KCTD1: variants seen among roughly 807,000 people sequenced by gnomAD.
KCTD1 encodes potassium channel tetramerization domain containing 1.
KCTD1 carries 24 observed loss-of-function variants against 66.0 expected under a neutral mutation model. The ratio of observed to expected loss-of-function variants is 0.36; its 90% CI spans 0.26 to 0.51. KCTD1 has a LOEUF of 0.51. Ranked by LOEUF, KCTD1 falls within the 20% of genes least tolerant of loss-of-function variation. The pLI is 0.95. For missense variants in KCTD1, 943 were observed against 1,205.2 expected (o/e 0.78, Z 3.22); for synonymous variants, 511 against 517.2 (o/e 0.99, Z 0.16).
At chr18:26,647,460 C>G (rs563737410) in intron 1 of KCTD1, among the ~76,000 whole-genome samples, 4 of 126,872 alleles carry the variant, frequency 3.2e-5, no homozygotes, top group Non-Finnish European at 6.3e-5. Context: ...GCGGAGGTTG[C>G]GGTGAGCCGA....
chr18:26,467,562 T>C (rs937544531), intron 3 of KCTD1, among the ~76,000 whole-genome samples: 1 of 151,460 alleles, frequency 6.6e-6, no homozygotes. Context: ...ATGCCTGTTA[T>C]CCCAGCACTT....
At chr18:26,464,855 A>T (rs1301726911) in intron 3 of KCTD1, among the ~76,000 whole-genome samples, 3 of 152,222 alleles carry the variant, frequency 2.0e-5, no homozygotes, top group African/African-American at 7.2e-5. Context: ...CCAGCAAAGC[A>T]GGGGTGCCAA....
At position 26,613,826 on chromosome 18, in the gene KCTD1, C is replaced by G. The variant is rs1382671420; in HGVS notation, c.-16+15321G>C. Among the ~76,000 whole-genome samples the G allele has an allele frequency of 3.3e-5, 5 of 152,166 alleles. No individual in the cohort carries two copies. In the East Asian group the frequency reaches 7.7e-4, roughly 23 times the overall value. ...TTTATTCATCAATCATCAAGCATGT[C>G]CCTATATCGGGGCCTTTGCACATAT... On this transcript the variant is annotated intron_variant, in intron 1 of 4. Transcript: ENST00000317932.
intron 1 of KCTD1, among the ~76,000 whole-genome samples, chr18:26,513,455 T>A (rs1338579647): frequency 6.6e-6 from 1 of 152,154 alleles, no homozygotes; most frequent in Middle Eastern, 3.2e-3. Flanking sequence ...AGATCACACT[T>A]CTAACTTTTG....
chr18:26,512,772 G>T (rs542464026), intron 1 of KCTD1, among the ~76,000 whole-genome samples: 51 of 152,106 alleles, frequency 3.4e-4, no homozygotes, highest in Non-Finnish European at 5.6e-4. Flanking sequence ...CTTGAGGCCA[G>T]GAGTTCAAGA....
intron 1 of KCTD1, among the ~76,000 whole-genome samples, chr18:26,649,570 G>A (rs147083881): frequency 1.4e-4 from 21 of 152,222 alleles, no homozygotes; most frequent in African/African-American, 3.6e-4. Context: ...GTACAGTGGC[G>A]CAATCTCAGC....
chr18:26,461,854 G>A (rs1243359618), intron 3 of KCTD1, among the ~76,000 whole-genome samples: 3 of 152,158 alleles, frequency 2.0e-5, no homozygotes, highest in Non-Finnish European at 2.9e-5. Flanking sequence ...GGTGGTTCAC[G>A]CCTGTAATCC....
At position 26,547,128 on chromosome 18, in the gene KCTD1, T is replaced by C. The variant is rs1985278235; in HGVS notation, c.1409A>G (p.Lys470Arg). Residue 470 changes from lysine to arginine, a missense_variant, in exon 1 of 5, where the codon AAG becomes AGG. Transcript: ENST00000580059. ...TLNSIAGIGT[K>R]LGSPAPQGCY... Reference sequence around the variant, plus strand: ...GCCCTGCGGGGCGGGCGAGCCCAGCTTGGTGCCAATGCCCGCGATGCTGTT... The same window carrying C: ...GCCCTGCGGGGCGGGCGAGCCCAGCCTGGTGCCAATGCCCGCGATGCTGTT... 6.4e-7 allele frequency: 1 copy of C among 1,550,412 alleles called. No homozygotes were observed. The highest frequency in any genetic ancestry group is 1.4e-5 in the African/African-American group (1 of 73,052).
intron 1 of KCTD1, among the ~76,000 whole-genome samples, chr18:26,537,505 A>G (rs1984763055): frequency 6.6e-6 from 1 of 152,250 alleles, no homozygotes; most frequent in African/African-American, 2.4e-5. Flanking sequence ...GCGATAATGT[A>G]TCAAAATACC....
In KCTD1 at chr18:26,505,834, C is replaced by T. The variant is rs142317486; in HGVS notation, c.1810-4584G>A. Among the ~76,000 whole-genome samples, 430 of 151,534 alleles carry T rather than the reference C, an allele frequency of 2.8e-3. 3 individuals are homozygous for T. Among genetic ancestry groups the T allele is most frequent in the African/African-American group, 9.9e-3 (408 of 41,276 alleles). Reference sequence around the variant, plus strand: ...TAGGCCTCCCAAAGTGCTGGAATTACAGGCATGAGCCACCAGGCCTGGGCC... The same window carrying T: ...TAGGCCTCCCAAAGTGCTGGAATTATAGGCATGAGCCACCAGGCCTGGGCC... On this transcript the variant is annotated intron_variant, in intron 1 of 4. Transcript: ENST00000580059.
At chr18:26,647,308 G>T (rs1276326461) in intron 1 of KCTD1, among the ~76,000 whole-genome samples, 4 of 145,118 alleles carry the variant, frequency 2.8e-5, no homozygotes, top group African/African-American at 1.0e-4. Flanking sequence ...GGAGTTCAAG[G>T]CCAGCCTGGC....
intron 2 of KCTD1, among the ~76,000 whole-genome samples, chr18:26,489,230 G>T (rs1183101175): frequency 6.6e-6 from 1 of 152,176 alleles, no homozygotes; most frequent in Non-Finnish European, 1.5e-5. Context: ...TATAAATCCT[G>T]CATTTTTAGT....
chr18:26,635,636 G>A (rs1027759594), intron 1 of KCTD1, among the ~76,000 whole-genome samples: 2 of 152,168 alleles, frequency 1.3e-5, no homozygotes, highest in Non-Finnish European at 2.9e-5. Context: ...TCCCCCCAGG[G>A]ATCTTGTTAA....
At position 26,459,900 on chromosome 18, in the gene KCTD1, G is replaced by C; in HGVS notation, c.2159C>G (p.Ala720Gly). 1 of 1,597,862 alleles carries C rather than the reference G, an allele frequency of 6.3e-7. No homozygotes were observed. Among genetic ancestry groups the C allele is most frequent in the Non-Finnish European group, 8.5e-7 (1 of 1,171,660 alleles). ...CATGGGCTGAAGCTGAAAATATTTT[G>C]CCTCTTCATATAACAAAGTGTAGTC... is the stretch of plus-strand genomic sequence containing the variant. ...FKDYTLLYEE[A>G]KYFQLQPMLL... Residue 720 changes from alanine (A) to glycine (G), a missense_variant, in exon 4 of 5, where the codon GCA becomes GGA. By Grantham distance (60) the Ala-to-Gly change is moderately conservative (BLOSUM62 0). Coordinates refer to ENST00000580059, the MANE Select transcript of KCTD1 (RefSeq NM_001142730.3).
chr18:26,521,367 T>C (rs1012059492), intron 1 of KCTD1, among the ~76,000 whole-genome samples: 1 of 152,134 alleles, frequency 6.6e-6, no homozygotes, highest in Non-Finnish European at 1.5e-5. Flanking sequence ...TCTTAAACGC[T>C]CTTTTGCAAA....
intron 1 of KCTD1, among the ~76,000 whole-genome samples, chr18:26,647,336 C>CCTCCT (rs1555649528): frequency 1.4e-5 from 2 of 146,792 alleles, no homozygotes; most frequent in East Asian, 4.1e-4. Flanking sequence ...GTGAAACCCC[C>CCTCCT]CCCCCATCTC....
intron 1 of KCTD1, among the ~76,000 whole-genome samples, chr18:26,649,756 C>A (rs1987995243): frequency 1.3e-5 from 2 of 152,176 alleles, no homozygotes; most frequent in Non-Finnish European, 2.9e-5. Flanking sequence ...GATCCACCTG[C>A]CTCGGCCTCC....
intron 4 of KCTD1, chr18:26,456,142 T>C (rs1040675751): frequency 2.2e-6 from 1 of 450,832 alleles, no homozygotes; most frequent in African/African-American, 2.0e-5. Flanking sequence ...CAACACTCGA[T>C]GGTGTTAGGC....
intron 1 of KCTD1, among the ~76,000 whole-genome samples, chr18:26,598,649 C>T (rs1986823306): frequency 1.3e-5 from 2 of 152,204 alleles, no homozygotes; most frequent in Admixed American, 1.3e-4. Flanking sequence ...CACATCCTAA[C>T]CAACACTTGT....
Sources: allele counts gnomAD v4.1 joint callset (sites outside exome capture counted in the v4.1 genomes callset), GRCh38; gene constraint gnomAD v4.1.1; transcripts MANE v1.5; gene names NCBI Gene and HGNC (gene_info 2026-07-23, HGNC 2026-07-21).